Variants in ANKRD44 observed in about 807,000 individuals in gnomAD.
ANKRD44 encodes ankyrin repeat domain 44.
Under a neutral mutation model 116.0 loss-of-function variants are expected in ANKRD44, and 35 were observed. The observed-to-expected ratio is 0.30, with a 90% confidence interval of 0.23 to 0.40. The LOEUF (loss-of-function observed/expected upper bound fraction) is 0.40. ANKRD44 is among the 10% of genes least tolerant of loss of function. The pLI, the probability that ANKRD44 is intolerant of heterozygous loss-of-function variation, is 1.00. For synonymous variants in ANKRD44, 435 were observed against 461.8 expected (o/e 0.94, Z 0.74); for missense variants, 1,014 against 1,242.6 (o/e 0.82, Z 2.77).
intron 22 of ANKRD44, 80 bp from the exon 23 acceptor site, chr2:197,000,582 G>A (rs2076097116): frequency 3.6e-6 from 4 of 1,112,962 alleles, no homozygotes; most frequent in Non-Finnish European, 5.4e-6. Context: ...CCTATGTACT[G>A]TATATTTGAC....
chr2:197,184,271 T>C (rs1168032278), intron 2 of ANKRD44, among the ~76,000 whole-genome samples: 2 of 152,164 alleles, frequency 1.3e-5, no homozygotes, highest in Non-Finnish European at 2.9e-5. Flanking sequence ...CGTAGCTAGG[T>C]ATGGCCATGG....
At chr2:197,215,164 C>A (rs1363948622) in intron 1 of ANKRD44, among the ~76,000 whole-genome samples, 1 of 152,184 alleles carries the variant, frequency 6.6e-6, no homozygotes, top group Non-Finnish European at 1.5e-5. Flanking sequence ...GAGTCAGCCA[C>A]CATGCCAGGC....
At position 196,989,604 on chromosome 2, in the gene ANKRD44, T is replaced by C. The variant is rs1264377351; in HGVS notation, c.2969A>G (p.Gln990Arg). 6.5e-7 allele frequency: 1 copy of C among 1,550,256 alleles called. No homozygotes were observed. The highest frequency in any genetic ancestry group is 2.4e-5 in the East Asian group (1 of 40,894). The change falls in exon 28 of 28, where the codon CAA becomes CGA. Residue 990 changes from glutamine to arginine, a missense_variant. Physicochemically the swap from Gln to Arg is conservative, Grantham distance 43. Transcript: ENST00000282272. ...GPRSTPGTAV[Q>R]KEE is the part of the protein sequence containing the mutation. ...TTTTAAAGAGTCTCATTCTTCTTTT[T>C]GTACAGCGGTTCCAGGTGTGGAACG... is the stretch of plus-strand genomic sequence containing the variant.
chr2:197,099,049 C>G (rs2078229953), intron 10 of ANKRD44, among the ~76,000 whole-genome samples: 1 of 152,086 alleles, frequency 6.6e-6, no homozygotes, highest in South Asian at 2.1e-4. Flanking sequence ...GGTTGCCACC[C>G]TCTGCTGTAC....
chr2:197,026,093 G>C (rs960033417), intron 16 of ANKRD44, among the ~76,000 whole-genome samples: 2 of 144,812 alleles, frequency 1.4e-5, no homozygotes, highest in Non-Finnish European at 1.5e-5. Flanking sequence ...CATATCTTTT[G>C]AATCTAGGGA....
At chr2:197,202,432 TCTAGGTGA>T (rs1018980704) in intron 1 of ANKRD44, among the ~76,000 whole-genome samples, 2 of 149,340 alleles carry the variant, frequency 1.3e-5, no homozygotes, top group African/African-American at 4.9e-5. Context: ...TAAGGGGTGG[TCTAGGTGA>T]CTATAATCTC....
At chr2:197,153,225 C>CAAAAAAAAAA (rs75600123) in intron 2 of ANKRD44, among the ~76,000 whole-genome samples, 6 of 69,346 alleles carry the variant, frequency 8.7e-5, no homozygotes, top group African/African-American at 1.8e-4. Context: ...AAGACCCTGC[C>CAAAAAAAAAA]AAAAAAAAAA....
At chr2:197,256,935 A>C (rs1181445448) in intron 1 of ANKRD44, among the ~76,000 whole-genome samples, 1 of 152,196 alleles carries the variant, frequency 6.6e-6, no homozygotes, top group Non-Finnish European at 1.5e-5. Context: ...AGAGAGAGGA[A>C]GAAGAAAAAA....
intron 16 of ANKRD44, among the ~76,000 whole-genome samples, chr2:197,071,970 T>C (rs2077567807): frequency 6.6e-6 from 1 of 152,008 alleles, no homozygotes; most frequent in Admixed American, 6.6e-5. Flanking sequence ...CAGTGCCAAC[T>C]GGGCTGCCTT....
chr2:197,029,578 C>T, intron 16 of ANKRD44: 1 of 459,254 alleles, frequency 2.2e-6, no homozygotes. Context: ...GAGCAAGTTT[C>T]AAACTGTTCA....
At chr2:197,024,074 A>C (rs766025524) in intron 17 of ANKRD44, among the ~76,000 whole-genome samples, 10 of 152,174 alleles carry the variant, frequency 6.6e-5, no homozygotes, top group Non-Finnish European at 1.5e-4. Context: ...ACATATGGTC[A>C]GTTCTGGATA....
rs182184706 is a variant in ANKRD44 at position 197,245,381 on chromosome 2, G to A, written c.28-58275C>T. 3.6e-3 allele frequency among the ~76,000 whole-genome samples: 546 copies of A among 152,290 alleles called. 23 individuals carry two copies. Among genetic ancestry groups the A allele is most frequent in the Admixed American group, 0.034 (518 of 15,292 alleles). On this transcript the variant is annotated intron_variant, in intron 1 of 27. Transcript: ENST00000282272. ...TACAGTATATGGGAGAAAGTACATA[G>A]GTTATGTGCAAATACGACACCATTT...
At chr2:196,995,779 A>G (rs1009472673) in intron 25 of ANKRD44, among the ~76,000 whole-genome samples, 4 of 152,238 alleles carry the variant, frequency 2.6e-5, no homozygotes, top group Non-Finnish European at 5.9e-5. Flanking sequence ...TAACTAGGGA[A>G]TAGAAATAGG....
At chr2:197,123,223 A>G (rs80132398) in intron 6 of ANKRD44, among the ~76,000 whole-genome samples, 6,274 of 152,322 alleles carry the variant, frequency 0.041, 155 homozygotes, top group Middle Eastern at 0.078. Context: ...AAAAACAATT[A>G]ATGAGAATGA....
At chr2:196,983,050 G>T (rs546980817), downstream of ANKRD44, among the ~76,000 whole-genome samples, 8 of 152,200 alleles carry the variant, frequency 5.3e-5, no homozygotes, top group Non-Finnish European at 1.2e-4. Flanking sequence ...AGGGGAGGGA[G>T]AGCATTAGGA....
intron 3 of ANKRD44, among the ~76,000 whole-genome samples, chr2:197,138,902 A>C (rs926201450): frequency 5.3e-5 from 8 of 152,218 alleles, no homozygotes; most frequent in Non-Finnish European, 1.0e-4. Flanking sequence ...TGCAAGTAGA[A>C]ACCCAAATGT....
intron 10 of ANKRD44, among the ~76,000 whole-genome samples, chr2:197,097,515 T>C (rs186647388): frequency 1.3e-5 from 2 of 152,304 alleles, no homozygotes; most frequent in Non-Finnish European, 2.9e-5. Flanking sequence ...ACTTACGACA[T>C]CCCAATTAAA....
chr2:197,274,709 C>T (rs2083023057), intron 1 of ANKRD44, among the ~76,000 whole-genome samples: 1 of 152,164 alleles, frequency 6.6e-6, no homozygotes, highest in South Asian at 2.1e-4. Context: ...TCTAGAGAAC[C>T]CAACCTGCAC....
At chr2:197,292,712 CA>C (rs2083608408) in intron 1 of ANKRD44, among the ~76,000 whole-genome samples, 1 of 152,184 alleles carries the variant, frequency 6.6e-6, no homozygotes, top group African/African-American at 2.4e-5. Flanking sequence ...TTGTAAGCAT[CA>C]GTAGATGGCC....
Sources: allele counts gnomAD v4.1 joint callset (sites outside exome capture counted in the v4.1 genomes callset), GRCh38; gene constraint gnomAD v4.1.1; transcripts MANE v1.5; gene names NCBI Gene and HGNC (gene_info 2026-07-23, HGNC 2026-07-21).